Variants in GRIA4 observed in about 807,000 individuals in gnomAD.
The protein encoded by GRIA4 is glutamate receptor 4.
Under a neutral mutation model 104.0 loss-of-function variants are expected in GRIA4, and 34 were observed. The observed-to-expected ratio is 0.33, with a 90% confidence interval of 0.25 to 0.44. The LOEUF is 0.44. Among genes scored for constraint, GRIA4 ranks in the 20% least tolerant of loss-of-function variants. The pLI is 1.00. For missense variants in GRIA4, 750 were observed against 1,096.5 expected (o/e 0.68, Z 4.46); for synonymous variants, 386 against 381.9 (o/e 1.01, Z -0.13).
intron 3 of GRIA4, among the ~76,000 whole-genome samples, chr11:105,616,432 T>G (rs1237223852): frequency 1.3e-5 from 2 of 151,634 alleles, no homozygotes; most frequent in Non-Finnish European, 3.0e-5. Context: ...TAAAATAGAG[T>G]TGTTTAGTTA....
chr11:105,680,974 C>T (rs1006285211), intron 3 of GRIA4, among the ~76,000 whole-genome samples: 3 of 152,158 alleles, frequency 2.0e-5, no homozygotes, highest in African/African-American at 7.2e-5. Flanking sequence ...CAGTGAATTC[C>T]GTGTGGACTG....
chr11:105,844,581 A>G (rs1004946420), intron 4 of GRIA4, among the ~76,000 whole-genome samples: 1 of 152,252 alleles, frequency 6.6e-6, no homozygotes, highest in Non-Finnish European at 1.5e-5. Context: ...GTAAATATCC[A>G]ACCACAGCAT....
At chr11:105,654,347 C>G (rs1951779033) in intron 3 of GRIA4, among the ~76,000 whole-genome samples, 1 of 150,766 alleles carries the variant, frequency 6.6e-6, no homozygotes, top group Admixed American at 6.6e-5. Context: ...GCTAAGAGTG[C>G]CCCCACTGAA....
chr11:105,753,254 C>G (rs745322372), intron 4 of GRIA4, 34 bp downstream of exon 4: 2 of 1,602,600 alleles, frequency 1.2e-6, no homozygotes, highest in Non-Finnish European at 1.7e-6. Flanking sequence ...TAGAGCAAAA[C>G]TCTAATTTTC....
intron 3 of GRIA4, among the ~76,000 whole-genome samples, chr11:105,616,487 C>T (rs1466064544): frequency 6.6e-6 from 1 of 151,602 alleles, no homozygotes; most frequent in Admixed American, 6.6e-5. Flanking sequence ...GTAGGCTCTG[C>T]AGGATTTTCC....
rs143271569 is a variant in GRIA4 at position 105,801,546 on chromosome 11, A to C, written c.487+48326A>C. Among the ~76,000 whole-genome samples, 70 of 152,202 alleles carry C rather than the reference A, an allele frequency of 4.6e-4. 2 individuals are homozygous for C. In the East Asian group the frequency reaches 0.012, roughly 25 times the overall value. Reference sequence around the variant, plus strand: ...CTTCAGAGCATAAGTGAGTTCCATTAAAGTTAGAGACATAATTTTTTATTT... The same window carrying C: ...CTTCAGAGCATAAGTGAGTTCCATTCAAGTTAGAGACATAATTTTTTATTT... On this transcript the variant is annotated intron_variant, in intron 4 of 16. Transcript: ENST00000282499.
chr11:105,793,641 G>A (rs1257230775), intron 4 of GRIA4, among the ~76,000 whole-genome samples: 4 of 152,108 alleles, frequency 2.6e-5, no homozygotes, highest in South Asian at 2.1e-4. Flanking sequence ...GTGATTCAGC[G>A]GGTGCAACAA....
chr11:105,866,432 T>G (rs1272965591), intron 5 of GRIA4, among the ~76,000 whole-genome samples: 1 of 150,984 alleles, frequency 6.6e-6, no homozygotes, highest in Non-Finnish European at 1.5e-5. Context: ...CACTGTGTTG[T>G]GTGTGTGTGT....
rs182531930 is a variant in GRIA4 at position 105,834,434 on chromosome 11, A to G, written c.488-27590A>G. Reference sequence around the variant, plus strand: ...CAAAGCTAAATTCCATGCTAAAATCAGCCCACACATTACATGAGTACAGCC... The same window carrying G: ...CAAAGCTAAATTCCATGCTAAAATCGGCCCACACATTACATGAGTACAGCC... On this transcript the variant is annotated intron_variant, in intron 4 of 16. Coordinates refer to ENST00000282499, the MANE Select transcript of GRIA4 (RefSeq NM_000829.4). 2.2e-3 allele frequency among the ~76,000 whole-genome samples: 342 copies of G among 152,204 alleles called. 2 individuals are homozygous for G. Among genetic ancestry groups the G allele is most frequent in the African/African-American group, 7.6e-3 (314 of 41,554 alleles).
intron 3 of GRIA4, among the ~76,000 whole-genome samples, chr11:105,681,765 G>A (rs1020591220): frequency 4.6e-5 from 7 of 152,064 alleles, no homozygotes; most frequent in Non-Finnish European, 4.4e-5. Flanking sequence ...AAAACAGGCC[G>A]GGTGCAGTGG....
At chr11:105,906,337 A>G (rs1184454157) in intron 9 of GRIA4, among the ~76,000 whole-genome samples, 2 of 152,194 alleles carry the variant, frequency 1.3e-5, no homozygotes, top group African/African-American at 4.8e-5. Flanking sequence ...TTACTGATCT[A>G]CATAGGAAGA....
intron 4 of GRIA4, among the ~76,000 whole-genome samples, chr11:105,860,024 C>G (rs911446072): frequency 2.4e-4 from 37 of 152,006 alleles, no homozygotes; most frequent in Admixed American, 1.0e-3. Flanking sequence ...GGCGGAGGAT[C>G]TAGGTAAGAT....
intron 4 of GRIA4, among the ~76,000 whole-genome samples, chr11:105,767,677 C>T (rs968330355): frequency 1.3e-5 from 2 of 152,078 alleles, no homozygotes; most frequent in African/African-American, 4.8e-5. Flanking sequence ...TAGTACATCC[C>T]ATGTGAAATA....
At chr11:105,854,261 T>C (rs968802238) in intron 4 of GRIA4, among the ~76,000 whole-genome samples, 1 of 152,084 alleles carries the variant, frequency 6.6e-6, no homozygotes, top group African/African-American at 2.4e-5. Context: ...ATGAAGGAGC[T>C]GAAATTTTAG....
intron 3 of GRIA4, among the ~76,000 whole-genome samples, chr11:105,660,524 T>C (rs1053710027): frequency 6.6e-6 from 1 of 151,652 alleles, no homozygotes; most frequent in African/African-American, 2.4e-5. Context: ...ATGTTACAGA[T>C]ATTGTTCTTG....
intron 7 of GRIA4, among the ~76,000 whole-genome samples, chr11:105,900,464 G>A (rs372077718): frequency 2.6e-5 from 4 of 152,052 alleles, no homozygotes; most frequent in Admixed American, 1.3e-4. Flanking sequence ...CCCTGTGCAC[G>A]TGCTTCTACC....
At chr11:105,843,763 T>G (rs1266369188) in intron 4 of GRIA4, among the ~76,000 whole-genome samples, 1 of 152,162 alleles carries the variant, frequency 6.6e-6, no homozygotes, top group East Asian at 1.9e-4. Flanking sequence ...CTCAGAAGCA[T>G]AGATATTGAC....
At chr11:105,815,397 G>A (rs1281532804) in intron 4 of GRIA4, among the ~76,000 whole-genome samples, 1 of 152,104 alleles carries the variant, frequency 6.6e-6, no homozygotes, top group Non-Finnish European at 1.5e-5. Flanking sequence ...AAGAAGTGTT[G>A]ATAGTTAAGA....
chr11:105,884,719 T>C (rs1042272294), intron 5 of GRIA4, among the ~76,000 whole-genome samples: 1 of 152,206 alleles, frequency 6.6e-6, no homozygotes, highest in Non-Finnish European at 1.5e-5. Context: ...TTCAGTTCTT[T>C]GTGGTATTAT....
Sources: gnomAD v4.1 joint callset for allele counts (sites outside exome capture counted in the v4.1 genomes callset) on GRCh38, gnomAD v4.1.1 for gene constraint, MANE v1.5 for transcripts, NCBI Gene and HGNC (gene_info 2026-07-23, HGNC 2026-07-21) for gene names.